Variants in TGM7 observed in about 807,000 individuals in gnomAD.
TGM7 encodes protein-glutamine gamma-glutamyltransferase Z.
A neutral mutation model predicts 79.5 loss-of-function variants in TGM7; 74 were observed. The ratio of observed to expected loss-of-function variants is 0.93; its 90% confidence interval spans 0.77 to 1.13. The LOEUF (loss-of-function observed/expected upper bound fraction) is 1.13, where lower values mean the gene tolerates loss of function less well. TGM7 is among the 50% of genes most tolerant of loss of function. The pLI is 0.00. For missense variants in TGM7, 912 were observed against 905.9 expected (o/e 1.01, Z -0.09); for synonymous variants, 354 against 362.5 (o/e 0.98, Z 0.27).
In TGM7 at chr15:43,293,475, T is replaced by G; in HGVS notation, c.167A>C (p.Asp56Ala). ...SFSRPFQSQN[D>A]HITFVAETGP... is the part of the protein sequence containing the mutation. The stretch of plus-strand genomic sequence containing the variant: ...GGTCTCAGCCACAAAGGTGATGTGG[T>G]CGTTCTGGGACTGGAAGGGTCGGCT... The change falls in exon 2 of 13, where the codon GAC becomes GCC. Residue 56 changes from aspartate to alanine, a missense_variant. Coordinates refer to ENST00000452443, the MANE Select transcript of TGM7 (RefSeq NM_052955.3). 6.2e-7 allele frequency: 1 copy of G among 1,608,086 alleles called. No individual in the cohort carries two copies.
rs773757212 is a variant in TGM7, at chr15:43,293,558, C to G, written c.84G>C (p.Met28Ile). Reference sequence around the variant, plus strand: ...GGCGCACAGTGAGCCGCTTGACGCCCATCTCCTGCGTGTGGTGCTCCTTGT... The same window carrying G: ...GGCGCACAGTGAGCCGCTTGACGCCGATCTCCTGCGTGTGGTGCTCCTTGT... ...RNNKEHHTQEMGVKRLTVRRG... is the reference protein window; with the variant it reads ...RNNKEHHTQEIGVKRLTVRRG... The change falls in exon 2 of 13, where the codon ATG becomes ATC. Residue 28 changes from methionine (M) to isoleucine (I), a missense_variant. Coordinates refer to ENST00000452443, the MANE Select transcript of TGM7 (RefSeq NM_052955.3). 5.6e-6 allele frequency: 9 copies of G among 1,611,296 alleles called. No individual in the cohort carries two copies. Among genetic ancestry groups the G allele is most frequent in the Admixed American group, 1.7e-5 (1 of 59,882 alleles).
Position 43,279,608 on chromosome 15 carries a change from G to T in TGM7, c.1678+17C>A, listed in dbSNP as rs1462626042. On this transcript the variant is annotated intron_variant, in intron 10 of 12. Transcript: ENST00000452443. ...CCCCTCCCTGTAGGTGCCTTCTCAG[G>T]CCTGCCTCACACTCACCCTTCCCAA... The T allele has an allele frequency of 6.4e-7, 1 of 1,555,372 alleles. No homozygotes were observed. The highest frequency in any genetic ancestry group is 2.3e-5 in the East Asian group (1 of 44,256).
intron 7 of TGM7, among the ~76,000 whole-genome samples, chr15:43,284,348 A>ACG (rs1393182669): frequency 6.6e-6 from 1 of 151,904 alleles, no homozygotes; most frequent in African/African-American, 2.4e-5. Context: ...AGAGATACAC[A>ACG]CACACACACA....
intron 1 of TGM7, among the ~76,000 whole-genome samples, chr15:43,301,073 C>A (rs985763816): frequency 6.6e-6 from 1 of 152,088 alleles, no homozygotes; most frequent in East Asian, 2.0e-4. Flanking sequence ...CTTTGACCCC[C>A]CCAGGCTCAT....
chr15:43,302,077 A>G, intron 1 of TGM7, 164 bp downstream of exon 1: 1 of 784,032 alleles, frequency 1.3e-6, no homozygotes. Flanking sequence ...CCCAAGGTCC[A>G]AATGCAGATG....
At chr15:43,285,046 A>G in intron 6 of TGM7, 94 bp from the exon 7 acceptor site, 2 of 1,484,604 alleles carry the variant, frequency 1.3e-6, no homozygotes, top group Non-Finnish European at 1.9e-6. Flanking sequence ...TGGAGGAGAG[A>G]AAGCCAAGAC....
At chr15:43,277,029 A>G (rs2042881594) in intron 11 of TGM7, 34 bp from the exon 12 acceptor site, 1 of 1,610,018 alleles carries the variant, frequency 6.2e-7, no homozygotes. Context: ...CCCATGGGCA[A>G]CTGGCCTCGC....
chr15:43,287,037 T>C (rs1231365786), intron 6 of TGM7, among the ~76,000 whole-genome samples: 1 of 152,166 alleles, frequency 6.6e-6, no homozygotes, highest in African/African-American at 2.4e-5. Flanking sequence ...TCTATCCAGA[T>C]GACAGTTTTA....
chr15:43,280,001 A>T (rs1212258295), intron 9 of TGM7, 50 bp from the exon 10 acceptor site: 2 of 1,554,858 alleles, frequency 1.3e-6, no homozygotes, highest in Admixed American at 3.6e-5. Flanking sequence ...GGTGGAGAGG[A>T]CCAGTGACTT....
At chr15:43,281,341 GGC>G (rs906619955) in intron 9 of TGM7, among the ~76,000 whole-genome samples, 3 of 152,178 alleles carry the variant, frequency 2.0e-5, no homozygotes, top group Non-Finnish European at 4.4e-5. Flanking sequence ...CAGGCCCAGG[GGC>G]CCATCCCCCT....
intron 9 of TGM7, among the ~76,000 whole-genome samples, chr15:43,281,390 C>T (rs910812690): frequency 1.3e-5 from 2 of 152,226 alleles, no homozygotes; most frequent in African/African-American, 4.8e-5. Context: ...CATAGGGAGA[C>T]GGTGGTGCCA....
intron 1 of TGM7, among the ~76,000 whole-genome samples, chr15:43,296,309 C>T (rs1448756886): frequency 6.6e-6 from 1 of 151,662 alleles, no homozygotes; most frequent in East Asian, 1.9e-4. Flanking sequence ...CCTGTAATCT[C>T]AGCTACTCAG....
intron 1 of TGM7, among the ~76,000 whole-genome samples, chr15:43,295,394 C>T (rs1566847378): frequency 6.6e-6 from 1 of 152,148 alleles, no homozygotes; most frequent in Non-Finnish European, 1.5e-5. Flanking sequence ...AGTTCGAGAC[C>T]AACCTGGCCA....
At chr15:43,296,064 C>T (rs1049512993) in intron 1 of TGM7, among the ~76,000 whole-genome samples, 1 of 152,172 alleles carries the variant, frequency 6.6e-6, no homozygotes, top group Non-Finnish European at 1.5e-5. Context: ...CAATGCATCA[C>T]ACATAGGAAG....
At position 43,284,816 on chromosome 15, in the gene TGM7, T is replaced by C. The variant is rs763205593; in HGVS notation, c.1002A>G (p.Ile334Met). 3 of 1,614,204 alleles carry C rather than the reference T, an allele frequency of 1.9e-6. No individual in the cohort carries two copies. Among genetic ancestry groups the C allele is most frequent in the Non-Finnish European group, 2.5e-6 (3 of 1,180,024 alleles). ...CTGTTCAAGACAGTGCCTCTCACCATATTTTGTCTCGTTTCTGAGTTGACA... is the reference window on the plus strand; with the variant it reads ...CTGTTCAAGACAGTGCCTCTCACCACATTTTGTCTCGTTTCTGAGTTGACA... ...EMLSTQKRDKIWNFHVWNECW... is the reference protein window; with the variant it reads ...EMLSTQKRDKMWNFHVWNECW... The change falls in exon 7 of 13, where the codon ATA (isoleucine) becomes ATG (methionine). Residue 334 changes from isoleucine to methionine, a missense_variant and splice_region_variant. Ile to Met is a conservative substitution (Grantham distance 10). Transcript: ENST00000452443.
intron 8 of TGM7, 91 bp from the exon 9 acceptor site, chr15:43,282,177 ACT>A: frequency 2.0e-6 from 3 of 1,524,022 alleles, no homozygotes; most frequent in Admixed American, 3.7e-5. Context: ...GGCACCACTG[ACT>A]CTCACCCGTG....
intron 1 of TGM7, among the ~76,000 whole-genome samples, chr15:43,293,959 A>G (rs2042980333): frequency 6.7e-6 from 1 of 148,756 alleles, no homozygotes; most frequent in African/African-American, 2.5e-5. Context: ...AAGTGTTGAT[A>G]CTGGTGAATT....
intron 1 of TGM7, among the ~76,000 whole-genome samples, chr15:43,295,890 T>A (rs1253787643): frequency 6.6e-6 from 1 of 152,240 alleles, no homozygotes; most frequent in Non-Finnish European, 1.5e-5. Flanking sequence ...CTTAAATAGA[T>A]ATGTTATTGG....
In TGM7 at chr15:43,285,945, C is replaced by T. The variant is rs915173251; in HGVS notation, c.866-993G>A. 2.6e-5 allele frequency among the ~76,000 whole-genome samples: 4 copies of T among 152,168 alleles called. No individual in the cohort carries two copies. In the East Asian group the frequency reaches 7.7e-4, roughly 29 times the overall value. The stretch of plus-strand genomic sequence containing the variant: ...GTGTGACCCTGAGGGGACGTGGGTA[C>T]TGACATCAGCCAGCATGGTAAGTTC... On this transcript the variant is annotated intron_variant, in intron 6 of 12. Transcript: ENST00000452443.
Sources: gnomAD v4.1 joint callset for allele counts (sites outside exome capture counted in the v4.1 genomes callset) on GRCh38, gnomAD v4.1.1 for gene constraint, MANE v1.5 for transcripts, NCBI Gene and HGNC (gene_info 2026-07-23, HGNC 2026-07-21) for gene names.